The following IL1RAPL1 variants were observed in gnomAD, a reference collection of about 807,000 sequenced individuals.
The protein encoded by IL1RAPL1 is interleukin-1 receptor accessory protein-like 1.
A neutral mutation model predicts 48.4 loss-of-function variants in IL1RAPL1; 3 were observed. The observed-to-expected ratio is 0.06, with a 90% CI of 0.03 to 0.16. The LOEUF (loss-of-function observed/expected upper bound fraction) is 0.16, where lower values mean the gene tolerates loss of function less well. Among genes scored for constraint, IL1RAPL1 ranks in the 10% least tolerant of loss-of-function variants. The probability of loss-of-function intolerance (pLI) is 1.00; values close to 1 mark genes in which losing one functional copy is unlikely to be tolerated. For missense variants in IL1RAPL1, 349 were observed against 530.6 expected (o/e 0.66, Z 3.36); for synonymous variants, 185 against 187.7 (o/e 0.99, Z 0.12).
At chrX:29,410,290 G>A (rs1455894081) in intron 5 of IL1RAPL1, among the ~76,000 whole-genome samples, 3 of 109,498 alleles carry the variant, frequency 2.7e-5, no homozygotes, top group Non-Finnish European at 3.8e-5. Context: ...GTGAAACCCC[G>A]TCTCTACCAA....
chrX:29,124,903 A>G (rs954539480), intron 2 of IL1RAPL1, among the ~76,000 whole-genome samples: 6 of 112,117 alleles, frequency 5.4e-5, no homozygotes, highest in Non-Finnish European at 1.1e-4. Flanking sequence ...TGTATTGTTC[A>G]CTAATGTATC....
chrX:29,069,136 C>T (rs776217720), intron 2 of IL1RAPL1, among the ~76,000 whole-genome samples: 3 of 111,578 alleles, frequency 2.7e-5, no homozygotes, highest in Non-Finnish European at 5.7e-5. Context: ...TAATGATGTC[C>T]ATACTGTAAG....
At chrX:29,106,633 T>A (rs1928452837) in intron 2 of IL1RAPL1, among the ~76,000 whole-genome samples, 1 of 111,019 alleles carries the variant, frequency 9.0e-6, no homozygotes, top group Non-Finnish European at 1.9e-5. Context: ...CTAATAATAT[T>A]TCCCTTTGTA....
At chrX:29,156,382 C>CT (rs1929569705) in intron 2 of IL1RAPL1, among the ~76,000 whole-genome samples, 1 of 111,906 alleles carries the variant, frequency 8.9e-6, no homozygotes, top group Admixed American at 9.6e-5. Context: ...GACTTAAACT[C>CT]TATCATAGAT....
intron 6 of IL1RAPL1, among the ~76,000 whole-genome samples, chrX:29,802,807 A>ATGTG (rs1929976469): frequency 3.7e-5 from 2 of 54,646 alleles, no homozygotes; most frequent in Admixed American, 2.2e-4. Flanking sequence ...ATATATATAT[A>ATGTG]TATGTGTGTA....
At chrX:28,959,281 T>A (rs1275628324) in intron 2 of IL1RAPL1, among the ~76,000 whole-genome samples, 3 of 111,911 alleles carry the variant, frequency 2.7e-5, no homozygotes, top group Non-Finnish European at 5.6e-5. Flanking sequence ...TTCCTTAATA[T>A]CCTTACATAT....
intron 1 of IL1RAPL1, among the ~76,000 whole-genome samples, chrX:28,767,611 A>G (rs1161275289): frequency 9.0e-6 from 1 of 110,677 alleles, no homozygotes; most frequent in East Asian, 2.9e-4. Context: ...ACACACAAAC[A>G]TACACACATG....
intron 2 of IL1RAPL1, among the ~76,000 whole-genome samples, chrX:28,993,687 G>A (rs745668800): frequency 5.4e-5 from 6 of 111,941 alleles, no homozygotes; most frequent in Non-Finnish European, 9.4e-5. Flanking sequence ...CGGACAATTT[G>A]CATTATCTTT....
At chrX:29,282,842 C>T in intron 2 of IL1RAPL1, 96 bp from the exon 3 acceptor site, 4 of 886,414 alleles carry the variant, frequency 4.5e-6, no homozygotes. Context: ...TATGGATGCT[C>T]AGTAAATATT....
intron 2 of IL1RAPL1, among the ~76,000 whole-genome samples, chrX:28,814,053 C>A (rs1936826301): frequency 1.8e-5 from 2 of 110,412 alleles, no homozygotes; most frequent in Admixed American, 9.7e-5. Flanking sequence ...GATTTTGCTT[C>A]TTGAAATTGG....
At chrX:29,001,069 A>G (rs1925840399) in intron 2 of IL1RAPL1, among the ~76,000 whole-genome samples, 1 of 111,084 alleles carries the variant, frequency 9.0e-6, no homozygotes, top group South Asian at 3.8e-4. Flanking sequence ...CTCATGTGAG[A>G]AATACACATT....
intron 6 of IL1RAPL1, among the ~76,000 whole-genome samples, chrX:29,843,203 T>G (rs986613801): frequency 7.2e-5 from 8 of 111,776 alleles, no homozygotes; most frequent in African/African-American, 1.6e-4. Context: ...GCCTTATTAA[T>G]GCAACTGGTG....
intron 6 of IL1RAPL1, among the ~76,000 whole-genome samples, chrX:29,839,666 C>G (rs147591244): frequency 0.031 from 3,501 of 112,366 alleles, 120 homozygotes; most frequent in African/African-American, 0.11. Flanking sequence ...GAGGCTCACG[C>G]CTGTAATTCC....
intron 3 of IL1RAPL1, among the ~76,000 whole-genome samples, chrX:29,342,144 GTGTGTGTGTGTT>G (rs1214941031): frequency 8.3e-5 from 8 of 96,887 alleles, no homozygotes; most frequent in South Asian, 8.9e-4. Context: ...GTGTGTGTGT[GTGTGTGTGTGTT>G]TGTTTTGTTT....
At chrX:28,716,340 G>T (rs1322437668) in intron 1 of IL1RAPL1, among the ~76,000 whole-genome samples, 1 of 111,058 alleles carries the variant, frequency 9.0e-6, no homozygotes, top group African/African-American at 3.3e-5. Context: ...GGGTAGTCAG[G>T]CAAGAGAAAG....
chrX:29,468,129 G>A (rs920077473), intron 5 of IL1RAPL1, among the ~76,000 whole-genome samples: 2 of 112,285 alleles, frequency 1.8e-5, no homozygotes, highest in Non-Finnish European at 1.9e-5. Context: ...CAAAGTGCTG[G>A]GATTACAGGC....
chrX:29,445,976 A>G (rs1297026525), intron 5 of IL1RAPL1, among the ~76,000 whole-genome samples: 4 of 112,002 alleles, frequency 3.6e-5, no homozygotes, highest in Non-Finnish European at 7.5e-5. Context: ...CACATGATAT[A>G]TTTTTAATAA....
intron 5 of IL1RAPL1, among the ~76,000 whole-genome samples, chrX:29,633,583 G>A (rs1924864811): frequency 9.1e-6 from 1 of 110,401 alleles, no homozygotes; most frequent in Non-Finnish European, 1.9e-5. Flanking sequence ...ATTACCACAA[G>A]CTGGGTGGCT....
chrX:28,755,377 C>T (rs113649932), intron 1 of IL1RAPL1, among the ~76,000 whole-genome samples: 8,332 of 112,081 alleles, frequency 0.074, 328 homozygotes, highest in Middle Eastern at 0.14. Context: ...GGCTGTGTAA[C>T]TTTGAATTAA....
Sources: allele counts gnomAD v4.1 joint callset (sites outside exome capture counted in the v4.1 genomes callset), GRCh38; gene constraint gnomAD v4.1.1; transcripts MANE v1.5; gene names NCBI Gene and HGNC (gene_info 2026-07-23, HGNC 2026-07-21).